AKR1C2: variants seen among roughly 807,000 people sequenced by gnomAD.
The protein encoded by AKR1C2 is aldo-keto reductase family 1 member C2.
Under a neutral mutation model 39.8 loss-of-function variants are expected in AKR1C2, and 27 were observed. The ratio of observed to expected loss-of-function variants is 0.68; its 90% CI spans 0.50 to 0.93. AKR1C2 has a LOEUF of 0.93. Among genes scored for constraint, AKR1C2 ranks in the 40% least tolerant of loss-of-function variants. The pLI is 0.00. For missense variants in AKR1C2, 263 were observed against 365.1 expected, an observed-to-expected ratio of 0.72 and a Z score of 2.28; for synonymous variants, 114 against 137.9, an observed-to-expected ratio of 0.83 and a Z score of 1.22.
At position 5,001,841 on chromosome 10, in the gene AKR1C2, T is replaced by G. The variant is rs11819128; in HGVS notation, c.85-160A>C. ...TCCCAGTCTGACTGGGTCTTTCCCATTTAGTAATAAAGGTTGGGCATAGCA... is the reference window on the plus strand; with the variant it reads ...TCCCAGTCTGACTGGGTCTTTCCCAGTTAGTAATAAAGGTTGGGCATAGCA... On this transcript the variant is annotated intron_variant, in intron 1 of 8. Transcript: ENST00000380753. Among the ~76,000 whole-genome samples the G allele has an allele frequency of 0.083, 12,656 of 152,242 alleles. 561 individuals are homozygous for G. The highest frequency in any genetic ancestry group is 0.13 in the Middle Eastern group (39 of 294).
At chr10:5,015,473 G>T (rs1837617879) in intron 1 of AKR1C2, among the ~76,000 whole-genome samples, 2 of 152,030 alleles carry the variant, frequency 1.3e-5, no homozygotes, top group African/African-American at 2.4e-5. Flanking sequence ...AATTCCCTCT[G>T]TGTTCTGTAG....
intron 5 of AKR1C2, among the ~76,000 whole-genome samples, chr10:4,996,956 A>ATGTGAAAAT (rs1837073171): frequency 6.6e-6 from 1 of 152,146 alleles, no homozygotes; most frequent in African/African-American, 2.4e-5. Context: ...ACTCAATCAT[A>ATGTGAAAAT]TGTGAAAATT....
chr10:5,016,505 C>T (rs1837642221), intron 1 of AKR1C2, among the ~76,000 whole-genome samples: 1 of 152,234 alleles, frequency 6.6e-6, no homozygotes, highest in African/African-American at 2.4e-5. Context: ...CAAGGCCACA[C>T]TAATGCAAGA....
intron 1 of AKR1C2, among the ~76,000 whole-genome samples, chr10:5,011,552 A>C (rs1274032897): frequency 6.6e-6 from 1 of 152,242 alleles, no homozygotes; most frequent in Non-Finnish European, 1.5e-5. Flanking sequence ...AAACACAAGC[A>C]GGGCAATTTG....
At chr10:4,996,408 C>A (rs1837041706) in intron 5 of AKR1C2, among the ~76,000 whole-genome samples, 1 of 150,352 alleles carries the variant, frequency 6.7e-6, no homozygotes, top group Non-Finnish European at 1.5e-5. Flanking sequence ...CATTACTTTT[C>A]CTTTTTGTAT....
At chr10:5,012,573 C>T (rs1837545423) in intron 1 of AKR1C2, among the ~76,000 whole-genome samples, 2 of 151,624 alleles carry the variant, frequency 1.3e-5, no homozygotes, top group South Asian at 4.2e-4. Flanking sequence ...AGCCAAGGAA[C>T]ACATTCTCTG....
intron 1 of AKR1C2, among the ~76,000 whole-genome samples, chr10:5,010,942 G>A (rs1399710353): frequency 6.6e-6 from 1 of 151,572 alleles, no homozygotes; most frequent in Non-Finnish European, 1.5e-5. Flanking sequence ...TCCTAAGTAG[G>A]TCTCAGCAAG....
chr10:4,997,286 A>G (rs1447903985), intron 5 of AKR1C2: 1 of 152,382 alleles, frequency 6.6e-6, no homozygotes, highest in African/African-American at 2.4e-5. Flanking sequence ...AAATACAACA[A>G]TATAAAAACA....
intron 1 of AKR1C2, among the ~76,000 whole-genome samples, chr10:5,012,531 C>T (rs375128934): frequency 0.024 from 3,459 of 144,138 alleles, 135 homozygotes; most frequent in African/African-American, 0.065. Context: ...AGATGCCATG[C>T]AGTTGGCTTT....
intron 7 of AKR1C2, 149 bp downstream of exon 7, chr10:4,995,170 A>G (rs1333424410): frequency 2.3e-6 from 3 of 1,283,830 alleles, no homozygotes; most frequent in African/African-American, 3.6e-5. Context: ...GCTAGAGTAG[A>G]AGAAACCCTT....
At position 5,001,677 on chromosome 10, in the gene AKR1C2, G is replaced by C; in HGVS notation, c.89C>G (p.Pro30Arg). 1 of 1,613,620 alleles carries C rather than the reference G, an allele frequency of 6.2e-7. No individual in the cohort carries two copies. Among genetic ancestry groups the C allele is most frequent in the East Asian group, 2.2e-5 (1 of 44,874 alleles). The change falls in exon 2 of 9, where the codon CCT (proline) becomes CGT (arginine). Residue 30 changes from proline to arginine, a missense_variant. Transcript: ENST00000380753. ...GACGGCCTCTAGAGCTTTACTTTTA[G>C]GAACCTGGGGGAGCAACCAAACGTA... ...GFGTYAPAEV[P>R]KSKALEAVKL...
chr10:5,010,273 T>C (rs1400951985), intron 1 of AKR1C2: 1 of 151,876 alleles, frequency 6.6e-6, no homozygotes, highest in Non-Finnish European at 1.5e-5. Flanking sequence ...CTCAAGCAGT[T>C]TGAACCGGTG....
At chr10:5,002,483 A>G (rs541171934) in intron 1 of AKR1C2, among the ~76,000 whole-genome samples, 3 of 152,344 alleles carry the variant, frequency 2.0e-5, no homozygotes, top group African/African-American at 7.2e-5. Flanking sequence ...GTAAAGATGT[A>G]TACTCTAAGG....
chr10:5,000,292 T>C (rs1394675225), intron 3 of AKR1C2: 54 of 1,480,618 alleles, frequency 3.6e-5, no homozygotes, highest in Middle Eastern at 2.4e-4. Flanking sequence ...AAGGAGATGA[T>C]TGTCATTTCC....
In AKR1C2 at chr10:5,001,682, C is replaced by T. The variant is rs565642871; in HGVS notation, c.85-1G>A. 6.2e-7 allele frequency: 1 copy of T among 1,613,628 alleles called. No homozygotes were observed. The highest frequency in any genetic ancestry group is 1.3e-5 in the African/African-American group (1 of 74,994). ...CCTCTAGAGCTTTACTTTTAGGAAC[C>T]TGGGGGAGCAACCAAACGTAATATT... On this transcript the variant is annotated splice_acceptor_variant, in intron 1 of 8. Transcript: ENST00000380753. LOFTEE classifies it high-confidence loss of function.
intron 1 of AKR1C2, among the ~76,000 whole-genome samples, chr10:5,016,801 G>T (rs1837649731): frequency 6.6e-6 from 1 of 152,210 alleles, no homozygotes; most frequent in Non-Finnish European, 1.5e-5. Context: ...CTTGCAGCAG[G>T]CTTCTGCCTG....
In AKR1C2 at chr10:5,003,855, A is replaced by G. The variant is rs566836576; in HGVS notation, c.-20T>C. The G allele has an allele frequency of 6.2e-6, 10 of 1,613,870 alleles. No individual in the cohort carries two copies. Among genetic ancestry groups the G allele is most frequent in the African/African-American group, 2.7e-5 (2 of 74,972 alleles). On this transcript the variant is annotated 5_prime_UTR_variant, in exon 1 of 9. Transcript: ENST00000380753. The stretch of plus-strand genomic sequence containing the variant: ...ATCCATTTCTGTCACTGGCCTGGTT[A>G]GCAAATGTTTCTTCCTCCCTCACAG...
rs1191972283 is a variant in AKR1C2 at position 5,001,393 on chromosome 10, GT to G, written c.252+120del. ...TATTAGTTTTAATACATGAGTAAGT[GT>G]GAATAAATCGAAATAAATAAGCACA... On this transcript the variant is annotated intron_variant, in intron 2 of 8. Transcript: ENST00000380753. The G allele has an allele frequency of 1.2e-5, 18 of 1,502,810 alleles. No individual in the cohort carries two copies. The African/African-American group carries it at 2.5e-4, about 21-fold the overall frequency. 93.1% of individuals were successfully genotyped at this position (1,502,810 alleles called of 1,614,324 possible).
chr10:5,007,775 A>G (rs1330893833), upstream of AKR1C2, among the ~76,000 whole-genome samples: 5 of 151,816 alleles, frequency 3.3e-5, no homozygotes, highest in African/African-American at 1.2e-4. Flanking sequence ...ACCGGCTATG[A>G]GCCTGTAAAA....
Sources: gnomAD v4.1 joint callset for allele counts (sites outside exome capture counted in the v4.1 genomes callset) on GRCh38, gnomAD v4.1.1 for gene constraint, MANE v1.5 for transcripts, NCBI Gene and HGNC (gene_info 2026-07-23, HGNC 2026-07-21) for gene names.